The following LIMCH1 variants were observed in gnomAD, a reference collection of about 807,000 sequenced individuals.
LIMCH1 encodes LIM and calponin homology domains 1, also known as LIM and calponin homology domains-containing protein 1.
A neutral mutation model predicts 176.5 loss-of-function variants in LIMCH1; 113 were observed. The observed-to-expected ratio is 0.64, with a 90% CI of 0.55 to 0.75. The LOEUF (loss-of-function observed/expected upper bound fraction) is 0.75. LIMCH1 is among the 30% of genes least tolerant of loss of function. The pLI is 0.00. For synonymous variants in LIMCH1, 619 were observed against 645.9 expected, an observed-to-expected ratio of 0.96 and a Z score of 0.63; for missense variants, 1,674 against 1,814.9, an observed-to-expected ratio of 0.92 and a Z score of 1.41.
At chr4:41,668,068 A>G (rs2094894196) in intron 21 of LIMCH1, among the ~76,000 whole-genome samples, 1 of 152,134 alleles carries the variant, frequency 6.6e-6, no homozygotes, top group Non-Finnish European at 1.5e-5. Context: ...TTCTTTTTTA[A>G]CAGACTTTCT....
At chr4:41,500,137 C>T (rs1474800334) in intron 2 of LIMCH1, among the ~76,000 whole-genome samples, 2 of 152,174 alleles carry the variant, frequency 1.3e-5, no homozygotes, top group Non-Finnish European at 2.9e-5. Context: ...GGTGATGTCC[C>T]CAAGATTTAT....
At chr4:41,386,040 C>T (rs1001212854) in intron 1 of LIMCH1, 15 of 151,864 alleles carry the variant, frequency 9.9e-5, no homozygotes, top group Admixed American at 8.5e-4. Context: ...AGCAGAGTGT[C>T]AAAAAAGAAA....
chr4:41,514,339 C>G (rs1452426426), intron 2 of LIMCH1, among the ~76,000 whole-genome samples: 1 of 152,068 alleles, frequency 6.6e-6, no homozygotes, highest in East Asian at 1.9e-4. Flanking sequence ...ACAGTCTCTA[C>G]TTAAATGGTT....
At chr4:41,598,295 G>A (rs554026769) in intron 1 of LIMCH1, among the ~76,000 whole-genome samples, 1 of 152,216 alleles carries the variant, frequency 6.6e-6, no homozygotes, top group Admixed American at 6.5e-5. Flanking sequence ...ATTTGTATCT[G>A]CTAGAGAAAA....
intron 1 of LIMCH1, among the ~76,000 whole-genome samples, chr4:41,549,751 AAAG>A (rs2080122181): frequency 6.6e-6 from 1 of 152,100 alleles, no homozygotes; most frequent in South Asian, 2.1e-4. Flanking sequence ...TACATTTTAA[AAAG>A]AAGGATACTT....
chr4:41,544,103 C>T (rs756485759), intron 1 of LIMCH1, among the ~76,000 whole-genome samples: 39 of 152,064 alleles, frequency 2.6e-4, no homozygotes, highest in Non-Finnish European at 4.4e-4. Flanking sequence ...CAAGCCTTCT[C>T]AATTCCAAAC....
rs1400089147 is a variant in LIMCH1, at chr4:41,419,641, CCTTT to C, written c.96+58709_96+58712del. Among the ~76,000 whole-genome samples the C allele has an allele frequency of 4.4e-3, 351 of 79,992 alleles. 10 individuals carry two copies. The highest frequency in any genetic ancestry group is 5.2e-3 in the Non-Finnish European group (237 of 45,840). The allele number at this position is 79,992 out of a possible 152,430, so 52.5% of individuals were successfully genotyped here. The stretch of plus-strand genomic sequence containing the variant: ...TTCCTTCCTTCCTTCCTTCCTCCTT[CCTTT>C]CTTCCTCCTTCCTTCCTTCCTTCCT... On this transcript the variant is annotated intron_variant, in intron 1 of 26. Transcript: ENST00000313860.
intron 1 of LIMCH1, among the ~76,000 whole-genome samples, chr4:41,439,586 T>TA (rs533601775): frequency 2.7e-4 from 39 of 146,710 alleles, no homozygotes; most frequent in Middle Eastern, 3.4e-3. Flanking sequence ...CCTGTCTCAT[T>TA]AAAAAAAAAA....
chr4:41,598,850 A>C, intron 1 of LIMCH1, 70 bp from the exon 2 acceptor site: 1 of 953,784 alleles, frequency 1.0e-6, no homozygotes, highest in South Asian at 1.5e-5. Flanking sequence ...CCCTACAGCA[A>C]CTTGGGAGGG....
Position 41,613,648 on chromosome 4 carries a change from G to C in LIMCH1, c.192G>C (p.Arg64Ser). The C allele has an allele frequency of 6.2e-7, 1 of 1,614,010 alleles. No individual in the cohort carries two copies. Among genetic ancestry groups the C allele is most frequent in the Non-Finnish European group, 8.5e-7 (1 of 1,179,918 alleles). ...CGCCTTCACCAGATGTAGTCCTCAGGGGAAGCAGCGATGGTAGGTTGGAGT... is the reference window on the plus strand; with the variant it reads ...CGCCTTCACCAGATGTAGTCCTCAGCGGAAGCAGCGATGGTAGGTTGGAGT... ...RQTPSPDVVL[R>S]GSSDGRGSDS... is the part of the protein sequence containing the mutation. Residue 64 changes from arginine (R) to serine (S), a missense_variant, in exon 5 of 32, where the codon AGG becomes AGC. Physicochemically the swap from Arg to Ser is moderately radical, Grantham distance 110. Around this residue, in one of 3 missense-constraint regions of LIMCH1, gnomAD observed 655 missense variants for 692.2 expected, o/e 0.95. Coordinates refer to ENST00000503057, the MANE Select transcript of LIMCH1 (RefSeq NM_001330672.2).
intron 1 of LIMCH1, among the ~76,000 whole-genome samples, chr4:41,372,080 C>T (rs780723594): frequency 9.2e-5 from 14 of 152,094 alleles, no homozygotes; most frequent in Non-Finnish European, 1.6e-4. Context: ...GCTCTAGACT[C>T]CATTTGGCTT....
chr4:41,618,875 T>C (rs1324300198), intron 5 of LIMCH1, among the ~76,000 whole-genome samples: 1 of 152,156 alleles, frequency 6.6e-6, no homozygotes, highest in Non-Finnish European at 1.5e-5. Flanking sequence ...CTTCTGAGAG[T>C]AGCAGAATCT....
At chr4:41,691,016 T>A (rs1394729024) in intron 30 of LIMCH1, among the ~76,000 whole-genome samples, 1 of 152,160 alleles carries the variant, frequency 6.6e-6, no homozygotes, top group East Asian at 1.9e-4. Context: ...CATTCTGTTC[T>A]CAGAAACTTT....
chr4:41,366,228 G>A (rs1167635165), intron 1 of LIMCH1, among the ~76,000 whole-genome samples: 1 of 152,176 alleles, frequency 6.6e-6, no homozygotes, highest in Non-Finnish European at 1.5e-5. Context: ...TGCTTATTAT[G>A]TGCCTGCTAA....
intron 1 of LIMCH1, among the ~76,000 whole-genome samples, chr4:41,470,272 A>G (rs957396219): frequency 1.3e-5 from 2 of 152,284 alleles, no homozygotes; most frequent in East Asian, 3.9e-4. Context: ...CAAATTTACT[A>G]TCTGCCCTGC....
In LIMCH1 at chr4:41,644,530, G is replaced by A; in HGVS notation, c.2157G>A (p.Glu719=). 1 of 1,592,846 alleles carries A rather than the reference G, an allele frequency of 6.3e-7. No homozygotes were observed. Residue 719 remains glutamate (E), a synonymous_variant, in exon 15 of 32, where the codon GAG becomes GAA. Transcript: ENST00000503057. ...CCAGCATGTTTGACATGCGGTGTGA[G>A]GAGGAGGCCGCGGTGCAGCCGCACA... The part of the protein sequence containing the change: ...ESTSMFDMRC[E]EEAAVQPHSR...
At chr4:41,491,315 CA>C (rs2070904280) in intron 1 of LIMCH1, among the ~76,000 whole-genome samples, 1 of 143,226 alleles carries the variant, frequency 7.0e-6, no homozygotes, top group African/African-American at 2.6e-5. Flanking sequence ...CCAGACGGGG[CA>C]GCCAGGCAGA....
At chr4:41,372,362 GC>G (rs2054102206) in intron 1 of LIMCH1, among the ~76,000 whole-genome samples, 1 of 152,240 alleles carries the variant, frequency 6.6e-6, no homozygotes, top group African/African-American at 2.4e-5. Context: ...TTTTCCACAA[GC>G]CCTGTTATTT....
At chr4:41,502,332 T>C (rs1013642371) in intron 2 of LIMCH1, among the ~76,000 whole-genome samples, 1 of 152,186 alleles carries the variant, frequency 6.6e-6, no homozygotes, top group Non-Finnish European at 1.5e-5. Flanking sequence ...TTGGATTGAT[T>C]CCATTCTTCG....
Sources: gnomAD v4.1 joint callset for allele counts (sites outside exome capture counted in the v4.1 genomes callset) on GRCh38, gnomAD v4.1.1 for gene constraint, gnomAD v4.1.1 regional missense constraint, MANE v1.5 for transcripts, NCBI Gene and HGNC (gene_info 2026-07-23, HGNC 2026-07-21) for gene names.